SYT10: variants seen among roughly 807,000 people sequenced by gnomAD.
SYT10 encodes synaptotagmin 10.
Under a neutral mutation model 51.1 loss-of-function variants are expected in SYT10, and 31 were observed. That is an observed-to-expected ratio of 0.61 (90% confidence interval 0.46 to 0.82). The LOEUF (loss-of-function observed/expected upper bound fraction) is 0.82, where lower values mean the gene tolerates loss of function less well. Ranked by LOEUF, SYT10 falls within the 40% of genes least tolerant of loss-of-function variation. The pLI is 0.00. For synonymous variants in SYT10, 233 were observed against 225.9 expected, an observed-to-expected ratio of 1.03 and a Z score of -0.28; for missense variants, 603 against 634.0, an observed-to-expected ratio of 0.95 and a Z score of 0.53.
In SYT10 at chr12:33,382,415, A is replaced by G. The variant is rs1866123289; in HGVS notation, c.1304T>C (p.Ile435Thr). Reference protein sequence around the residue: ...TLNPVYNEAIIFDIPPENVDQ... With the variant: ...TLNPVYNEAITFDIPPENVDQ... ...CACGTTCTCTGGAGGGATGTCAAAA[A>G]TAATGGCCTCATTGTACACAGGGTT... is the stretch of plus-strand genomic sequence containing the variant. Residue 435 changes from isoleucine (I) to threonine (T), a missense_variant, in exon 5 of 7, where the codon ATT becomes ACT. Ile to Thr is a moderately conservative substitution (Grantham distance 89). Coordinates refer to ENST00000228567, the MANE Select transcript of SYT10 (RefSeq NM_198992.4). 4 of 1,613,386 alleles carry G rather than the reference A, an allele frequency of 2.5e-6. No individual in the cohort carries two copies. Among genetic ancestry groups the G allele is most frequent in the Non-Finnish European group, 2.5e-6 (3 of 1,179,598 alleles).
chr12:33,398,108 C>A (rs1359926811), intron 3 of SYT10, among the ~76,000 whole-genome samples: 1 of 151,992 alleles, frequency 6.6e-6, no homozygotes, highest in African/African-American at 2.4e-5. Context: ...AATGAAGATG[C>A]CAAAATCCTC....
intron 4 of SYT10, 110 bp from the exon 5 acceptor site, chr12:33,382,630 A>T (rs1209748113): frequency 1.0e-6 from 1 of 970,120 alleles, no homozygotes; most frequent in African/African-American, 1.7e-5. Context: ...GCCTATATTA[A>T]GACCTTTAGT....
rs1312470345 is a variant in SYT10 at position 33,379,913 on chromosome 12, A to G, written c.1419T>C (p.Ala473=). The G allele has an allele frequency of 1.2e-6, 2 of 1,613,866 alleles. No homozygotes were observed. Among genetic ancestry groups the G allele is most frequent in the Non-Finnish European group, 1.7e-6 (2 of 1,179,934 alleles). ...TCCAGTGGTCTCGCCCAAGACCCTC[A>G]GCATCCAGTCCTGTTCTGCACACTC... ...VIGVCRTGLD[A]EGLGRDHWNE... Residue 473 remains alanine (A), a synonymous_variant, in exon 6 of 7, where the codon GCT becomes GCC. Transcript: ENST00000228567.
chr12:33,404,941 C>T (rs1046288429), intron 3 of SYT10: 1 of 151,806 alleles, frequency 6.6e-6, no homozygotes, highest in Non-Finnish European at 1.5e-5. Flanking sequence ...ATATTATTAG[C>T]AATGAGAAAC....
chr12:33,405,873 A>G (rs1375605389), intron 3 of SYT10: 1 of 151,206 alleles, frequency 6.6e-6, no homozygotes, highest in Non-Finnish European at 1.5e-5. Context: ...AAAAAAACAG[A>G]TTTACAAAAA....
At chr12:33,421,085 C>A (rs745731500) in intron 2 of SYT10, among the ~76,000 whole-genome samples, 16 of 152,090 alleles carry the variant, frequency 1.1e-4, no homozygotes, top group Admixed American at 2.6e-4. Context: ...TAAAAACATT[C>A]TTACAGTAAA....
chr12:33,396,256 A>G (rs1050021817), intron 3 of SYT10, among the ~76,000 whole-genome samples: 5 of 152,164 alleles, frequency 3.3e-5, no homozygotes, highest in South Asian at 2.1e-4. Flanking sequence ...TTTATATACA[A>G]TTATGTAATT....
intron 2 of SYT10, among the ~76,000 whole-genome samples, chr12:33,416,258 T>C (rs1470747340): frequency 6.6e-6 from 1 of 152,070 alleles, no homozygotes; most frequent in Admixed American, 6.6e-5. Context: ...TTTTTTTGTA[T>C]TTTTAGTAGA....
At chr12:33,418,686 A>C (rs528086288) in intron 2 of SYT10, among the ~76,000 whole-genome samples, 3 of 152,136 alleles carry the variant, frequency 2.0e-5, no homozygotes, top group Non-Finnish European at 4.4e-5. Flanking sequence ...CAGCTCATCT[A>C]TCAGGATGGT....
chr12:33,381,282 T>C (rs751423682), intron 5 of SYT10, among the ~76,000 whole-genome samples: 1 of 152,058 alleles, frequency 6.6e-6, no homozygotes, highest in Non-Finnish European at 1.5e-5. Flanking sequence ...AATGTTATTT[T>C]TCAGTGTTTC....
chr12:33,412,253 G>T (rs569296761), intron 2 of SYT10, among the ~76,000 whole-genome samples: 1 of 151,968 alleles, frequency 6.6e-6, no homozygotes, highest in African/African-American at 2.4e-5. Context: ...GAATAAAAAA[G>T]TAGTAACATT....
At chr12:33,399,213 A>G (rs999876393) in intron 3 of SYT10, among the ~76,000 whole-genome samples, 2 of 152,186 alleles carry the variant, frequency 1.3e-5, no homozygotes, top group Non-Finnish European at 2.9e-5. Flanking sequence ...GCTGATTGAT[A>G]CTCATTTTCA....
At chr12:33,378,574 A>C (rs1248359694) in intron 6 of SYT10, among the ~76,000 whole-genome samples, 1 of 152,206 alleles carries the variant, frequency 6.6e-6, no homozygotes, top group Non-Finnish European at 1.5e-5. Flanking sequence ...ATTCAGAGTG[A>C]GTTCCTGCCC....
At chr12:33,430,473 T>C (rs1035917515) in intron 1 of SYT10, among the ~76,000 whole-genome samples, 2 of 152,190 alleles carry the variant, frequency 1.3e-5, no homozygotes, top group African/African-American at 4.8e-5. Context: ...CTACTACCCA[T>C]GCAGCTAACA....
chr12:33,407,214 A>G lies in SYT10; in HGVS notation c.652T>C (p.Ser218Pro). The change falls in exon 3 of 7, where the codon TCA (serine) becomes CCA (proline). Residue 218 changes from serine to proline, a missense_variant. Transcript: ENST00000228567. ...RIKPELYKQK[S>P]VDSEGNQNED... ...TTTTGGTTGCCCTCAGAGTCAACTG[A>G]TTTCTGTTTGTAGAGTTCTGGCTTT... 6.2e-7 allele frequency: 1 copy of G among 1,614,122 alleles called. No individual in the cohort carries two copies. The highest frequency in any genetic ancestry group is 8.5e-7 in the Non-Finnish European group (1 of 1,180,024).
intron 1 of SYT10, among the ~76,000 whole-genome samples, chr12:33,437,675 T>A (rs1004326243): frequency 6.6e-6 from 1 of 152,160 alleles, no homozygotes; most frequent in Non-Finnish European, 1.5e-5. Context: ...TTAAATACTC[T>A]CATTTCGTCC....
chr12:33,408,723 C>A (rs139893952), intron 2 of SYT10, among the ~76,000 whole-genome samples: 1 of 152,282 alleles, frequency 6.6e-6, no homozygotes, highest in East Asian at 1.9e-4. Flanking sequence ...GATTTCTAAA[C>A]AGATGTCTTC....
intron 2 of SYT10, among the ~76,000 whole-genome samples, chr12:33,413,060 A>T (rs552546961): frequency 7.2e-5 from 11 of 152,212 alleles, no homozygotes; most frequent in Admixed American, 3.9e-4. Context: ...AGCTGATTTG[A>T]TCAAGTGGAA....
intron 3 of SYT10, among the ~76,000 whole-genome samples, chr12:33,390,923 T>G (rs1378495464): frequency 1.3e-5 from 2 of 150,476 alleles, no homozygotes; most frequent in Non-Finnish European, 3.0e-5. Flanking sequence ...TTAAATTACG[T>G]TTTTTTTTGT....
Sources: allele counts gnomAD v4.1 joint callset (sites outside exome capture counted in the v4.1 genomes callset), GRCh38; gene constraint gnomAD v4.1.1; transcripts MANE v1.5; gene names NCBI Gene and HGNC (gene_info 2026-07-23, HGNC 2026-07-21).